ARHGEF11: variants seen among roughly 807,000 people sequenced by gnomAD.
ARHGEF11 encodes Rho guanine exchange factor (GEF) 11.
Under a neutral mutation model 193.7 loss-of-function variants are expected in ARHGEF11, and 55 were observed. The ratio of observed to expected loss-of-function variants is 0.28; its 90% CI spans 0.23 to 0.36. ARHGEF11 has a LOEUF of 0.36. ARHGEF11 is among the 10% of genes least tolerant of loss of function. ARHGEF11 has a pLI of 1.00. For missense variants in ARHGEF11, 1,723 were observed against 2,005.6 expected (o/e 0.86, Z 2.69); for synonymous variants, 693 against 768.0 (o/e 0.90, Z 1.62).
chr1:156,980,416 G>A (rs1663950885), intron 4 of ARHGEF11, 21 bp downstream of exon 4: 1 of 1,600,564 alleles, frequency 6.2e-7, no homozygotes, highest in South Asian at 1.1e-5. Flanking sequence ...GGGAGTGGGA[G>A]TGTGTGTTGG....
intron 17 of ARHGEF11, 91 bp from the exon 18 acceptor site, chr1:156,957,906 G>T: frequency 7.8e-7 from 1 of 1,286,408 alleles, no homozygotes; most frequent in Non-Finnish European, 1.1e-6. Context: ...GTTTTTCCTA[G>T]ATGAAAGGAG....
rs538478983 is a variant in ARHGEF11, at chr1:156,999,350, C to T, written c.33-13177G>A. Among the ~76,000 whole-genome samples, 8 of 152,156 alleles carry T rather than the reference C, an allele frequency of 5.3e-5. No homozygotes were observed. The South Asian group carries it at 1.7e-3, about 32-fold the overall frequency. ...TTCAAGTGTGTCTGATACCAAAGTC[C>T]CAGCTTCCTCTCCCTGTGCCTTGGC... On this transcript the variant is annotated intron_variant, in intron 1 of 40. Coordinates refer to ENST00000368194, the MANE Select transcript of ARHGEF11 (RefSeq NM_198236.3).
intron 3 of ARHGEF11, 122 bp from the exon 4 acceptor site, chr1:156,980,608 A>C: frequency 7.9e-5 from 87 of 1,101,578 alleles, no homozygotes; most frequent in Non-Finnish European, 1.1e-4. Context: ...TAAGTATCTC[A>C]AATTCTGGGT....
chr1:156,989,403 C>CCA (rs1345258955), intron 1 of ARHGEF11, among the ~76,000 whole-genome samples: 2 of 152,160 alleles, frequency 1.3e-5, no homozygotes, highest in African/African-American at 4.8e-5. Flanking sequence ...CACTCCACCA[C>CCA]CACAGACTAA....
chr1:156,936,497 A>AATATATAT (rs1553192804), intron 40 of ARHGEF11, among the ~76,000 whole-genome samples: 343 of 33,816 alleles, frequency 0.01, 3 homozygotes, highest in East Asian at 0.035. Context: ...AAAAAAAAAA[A>AATATATAT]ATATATATAT....
chr1:157,044,371 T>C lies in ARHGEF11; in HGVS notation c.-41A>G, dbSNP rs1189911485. 3 of 1,609,668 alleles carry C rather than the reference T, an allele frequency of 1.9e-6. No individual in the cohort carries two copies. The South Asian group carries it at 3.3e-5, about 18-fold the overall frequency. ...CCACGGTTCCAGAATCCTGTAGCTT[T>C]GGTGTCTTGATCAGGATTGAATCGC... On this transcript the variant is annotated 5_prime_UTR_variant, in exon 1 of 41. Transcript: ENST00000368194.
chr1:156,941,351 A>G (rs527756052), intron 35 of ARHGEF11, 21 bp downstream of exon 35: 2 of 1,612,098 alleles, frequency 1.2e-6, no homozygotes, highest in Admixed American at 1.7e-5. Flanking sequence ...TGGCTCCCAC[A>G]GGACAGTTCA....
chr1:156,948,303 T>C lies in ARHGEF11; in HGVS notation c.2105+16A>G, dbSNP rs767917489. 121 of 1,613,088 alleles carry C rather than the reference T, an allele frequency of 7.5e-5. No individual in the cohort carries two copies. Among genetic ancestry groups the C allele is most frequent in the Non-Finnish European group, 9.8e-5 (116 of 1,179,302 alleles). On this transcript the variant is annotated intron_variant, in intron 23 of 40. Transcript: ENST00000368194. This position sits in a 1 kb window ranked among gnomAD's most constrained non-coding sequence, Gnocchi z 4.2. The stretch of plus-strand genomic sequence containing the variant: ...CCTGAGATGTCCATGGGTGCAGCCG[T>C]TGTAGCCCTGCCCACCTGGTGGAGA...
At chr1:156,945,847 T>C in intron 29 of ARHGEF11, 198 bp downstream of exon 29, 1 of 518,432 alleles carries the variant, frequency 1.9e-6, no homozygotes. Context: ...CCCCTACTCC[T>C]CCCACTATTA....
At chr1:156,939,481 G>A in intron 37 of ARHGEF11, 67 bp downstream of exon 37, 1 of 1,596,682 alleles carries the variant, frequency 6.3e-7, no homozygotes, top group Non-Finnish European at 8.5e-7. Flanking sequence ...GGAAGCAGCT[G>A]TTCGGAAGAC....
At chr1:156,936,496 AAATATAT>A (rs1412450049) in intron 40 of ARHGEF11, among the ~76,000 whole-genome samples, 8 of 77,720 alleles carry the variant, frequency 1.0e-4, no homozygotes, top group East Asian at 5.9e-4. Context: ...AAAAAAAAAA[AAATATAT>A]ATATATATAT....
chr1:156,990,016 T>C (rs1665492628), intron 1 of ARHGEF11, among the ~76,000 whole-genome samples: 1 of 152,214 alleles, frequency 6.6e-6, no homozygotes, highest in Non-Finnish European at 1.5e-5. Context: ...TTATCTAATA[T>C]ACAGTACACA....
rs753334813 is a variant in ARHGEF11 at position 156,945,040 on chromosome 1, G to A, written c.2970C>T (p.Asn990=). ...LDATALERAS[N]PLAAEFKSLD... is the part of the protein sequence containing the mutation. ...CTACCTTGAACTCTGCTGCCAGGGGGTTGCTGGCCCTCTCCAGGGCGGTGG... is the reference window on the plus strand; with the variant it reads ...CTACCTTGAACTCTGCTGCCAGGGGATTGCTGGCCCTCTCCAGGGCGGTGG... The change falls in exon 30 of 41, where the codon AAC becomes AAT. Residue 990 remains asparagine (N), a synonymous_variant. Transcript: ENST00000368194. 6.2e-7 allele frequency: 1 copy of A among 1,613,968 alleles called. No individual in the cohort carries two copies. The highest frequency in any genetic ancestry group is 1.7e-5 in the Admixed American group (1 of 60,012).
intron 21 of ARHGEF11, among the ~76,000 whole-genome samples, chr1:156,954,380 CAAAAAAAAAAAAAAAAAAAAAAAAAAAA>C (rs559848711): frequency 1.3e-5 from 1 of 75,148 alleles, no homozygotes. Context: ...ACTGTGTCTC[CAAAAAAAAAAAAAAAAAAAAAAAAAAAA>C]AAAAAAAAAA....
chr1:157,032,248 C>T (rs1020706932), intron 1 of ARHGEF11, among the ~76,000 whole-genome samples: 38 of 152,124 alleles, frequency 2.5e-4, no homozygotes, highest in African/African-American at 8.9e-4. Context: ...CCAGTCTGCT[C>T]CAAGGTATTC....
rs546139117 is a variant in ARHGEF11, at chr1:157,043,161, T to C, written c.32+1138A>G. ...TCCACAACCAAAAGGAAATTATTAT[T>C]AGCATGGATAACCGAAGGTGGACTG... On this transcript the variant is annotated intron_variant, in intron 1 of 40. Transcript: ENST00000368194. Among the ~76,000 whole-genome samples the C allele has an allele frequency of 8.5e-5, 13 of 152,312 alleles. No homozygotes were observed. The East Asian group carries it at 2.1e-3, about 25-fold the overall frequency.
At chr1:157,041,292 C>G (rs1672717045) in intron 1 of ARHGEF11, among the ~76,000 whole-genome samples, 1 of 152,140 alleles carries the variant, frequency 6.6e-6, no homozygotes. Flanking sequence ...TATTAATGGG[C>G]AGTAAGTTGC....
intron 35 of ARHGEF11, 21 bp from the exon 36 acceptor site, chr1:156,940,446 T>C (rs1260604052): frequency 1.9e-6 from 3 of 1,583,682 alleles, no homozygotes; most frequent in African/African-American, 1.3e-5. Context: ...TGAGAGAAGA[T>C]TGTAAGGCAG....
At chr1:156,956,696 G>C in intron 18 of ARHGEF11, 132 bp from the exon 19 acceptor site, 1 of 1,369,772 alleles carries the variant, frequency 7.3e-7, no homozygotes. Context: ...GAAAAGTCTA[G>C]AATAATTAAA....
Sources: gnomAD v4.1 joint callset for allele counts (sites outside exome capture counted in the v4.1 genomes callset) on GRCh38, gnomAD v4.1.1 for gene constraint, Gnocchi (gnomAD v3.1) non-coding constraint, MANE v1.5 for transcripts, NCBI Gene and HGNC (gene_info 2026-07-23, HGNC 2026-07-21) for gene names.